UNC13C: variants seen among roughly 807,000 people sequenced by gnomAD.
The protein encoded by UNC13C is protein unc-13 homolog C.
A neutral mutation model predicts 245.4 loss-of-function variants in UNC13C; 174 were observed. That is an observed-to-expected ratio of 0.71 (90% CI 0.63 to 0.80). The LOEUF (loss-of-function observed/expected upper bound fraction) is 0.80, where lower values mean the gene tolerates loss of function less well. Ranked by LOEUF, UNC13C falls within the 30% of genes least tolerant of loss-of-function variation. UNC13C has a pLI of 0.00. For synonymous variants in UNC13C, 992 were observed against 895.1 expected (o/e 1.11, Z -1.93); for missense variants, 2,829 against 2,602.9 (o/e 1.09, Z -1.89).
chr15:54,501,384 G>T (rs991568531), intron 22 of UNC13C, among the ~76,000 whole-genome samples: 1 of 152,086 alleles, frequency 6.6e-6, no homozygotes, highest in Non-Finnish European at 1.5e-5. Context: ...ACTGATTTCT[G>T]ATTACAAATC....
intron 30 of UNC13C, among the ~76,000 whole-genome samples, chr15:54,594,167 G>A (rs1898943993): frequency 6.6e-6 from 1 of 152,168 alleles, no homozygotes; most frequent in Admixed American, 6.5e-5. Flanking sequence ...ACAGAGTCTT[G>A]TGGTGTGAAC....
chr15:53,955,853 T>C, the UNC13C span: 1 of 152,180 alleles, frequency 6.6e-6, no homozygotes, highest in African/African-American at 2.4e-5. Flanking sequence ...AAATAAATTG[T>C]TCTACCATAA....
chr15:54,302,912 T>C (rs1303659158), intron 13 of UNC13C, among the ~76,000 whole-genome samples: 10 of 152,160 alleles, frequency 6.6e-5, no homozygotes, highest in African/African-American at 2.4e-4. Flanking sequence ...CCTTAATCTC[T>C]AATCATAATT....
In UNC13C at chr15:54,264,200, G is replaced by C; in HGVS notation, c.3481G>C (p.Glu1161Gln). 6.3e-7 allele frequency: 1 copy of C among 1,588,202 alleles called. No homozygotes were observed. Among genetic ancestry groups the C allele is most frequent in the Non-Finnish European group, 8.6e-7 (1 of 1,166,508 alleles). Residue 1161 changes from glutamate (E) to glutamine (Q), a missense_variant, in exon 9 of 33, where the codon GAA (glutamate) becomes CAA (glutamine). Coordinates refer to ENST00000260323, the MANE Select transcript of UNC13C (RefSeq NM_001080534.3). ...AAEKSSKHGA[E>Q]DKTQTIITAM... Reference sequence around the variant, plus strand: ...AGAAAAGAGTTCTAAACATGGTGCCGAAGACAAGACTCAGACCATTATTAC... The same window carrying C: ...AGAAAAGAGTTCTAAACATGGTGCCCAAGACAAGACTCAGACCATTATTAC...
At position 54,172,709 on chromosome 15, in the gene UNC13C, TATATATATATATATA is replaced by T. The variant is rs1390914549; in HGVS notation, c.3071+29026_3071+29040del. Among the ~76,000 whole-genome samples, 375 of 54,236 alleles carry T rather than the reference TATATATATATATATA, an allele frequency of 6.9e-3. 9 individuals carry two copies. The highest frequency in any genetic ancestry group is 0.023 in the African/African-American group (139 of 6,050). 35.6% of individuals were successfully genotyped at this position (54,236 alleles called of 152,430 possible). On this transcript the variant is annotated intron_variant, in intron 4 of 32. Transcript: ENST00000260323. Reference sequence around the variant, plus strand: ...AAAGTCAAATACACACACAGATATATATATATATATATATATATATATATATATATATATATATAT... The same window carrying T: ...AAAGTCAAATACACACACAGATATATTATATATATATATATATATATATAT...
At chr15:54,345,010 G>A (rs1387145729) in intron 17 of UNC13C, among the ~76,000 whole-genome samples, 1 of 152,050 alleles carries the variant, frequency 6.6e-6, no homozygotes, top group Non-Finnish European at 1.5e-5. Flanking sequence ...ATGTTTTAAG[G>A]CCCTTCATTT....
chr15:54,273,809 C>G (rs1238023006), intron 10 of UNC13C, among the ~76,000 whole-genome samples: 1 of 152,088 alleles, frequency 6.6e-6, no homozygotes, highest in Non-Finnish European at 1.5e-5. Flanking sequence ...CTTGGATGTA[C>G]CCCTTGTGTA....
intron 4 of UNC13C, among the ~76,000 whole-genome samples, chr15:54,231,098 T>A (rs149828689): frequency 1.7e-3 from 256 of 152,144 alleles, no homozygotes; most frequent in African/African-American, 5.9e-3. Flanking sequence ...CAGGGGTCAT[T>A]TGAGGAATAC....
At chr15:54,537,410 A>C (rs1167473631) in intron 26 of UNC13C, among the ~76,000 whole-genome samples, 2 of 152,148 alleles carry the variant, frequency 1.3e-5, no homozygotes, top group Non-Finnish European at 2.9e-5. Flanking sequence ...TATACTACCA[A>C]AGCAACTTAC....
chr15:54,208,450 G>A (rs2034782479), intron 4 of UNC13C, among the ~76,000 whole-genome samples: 1 of 152,074 alleles, frequency 6.6e-6, no homozygotes, highest in Non-Finnish European at 1.5e-5. Flanking sequence ...TGTCAAAGTT[G>A]TTTACTCATT....
intron 2 of UNC13C, among the ~76,000 whole-genome samples, chr15:54,125,598 G>A (rs1417850002): frequency 6.6e-6 from 1 of 152,082 alleles, no homozygotes; most frequent in African/African-American, 2.4e-5. Flanking sequence ...CATCTATTGA[G>A]ATAGTCTTTG....
rs374419666 is a variant in UNC13C, at chr15:54,293,947, G to A, written c.3871G>A (p.Asp1291Asn). ...RIKVRVWDEDDDIKSRVKQHF... is the reference protein window; with the variant it reads ...RIKVRVWDEDNDIKSRVKQHF... ...CAAAGTCAGAGTATGGGATGAAGAT[G>A]ATGATATTAAATCCAGAGTCAAGCA... The change falls in exon 11 of 33, where the codon GAT (aspartate) becomes AAT (asparagine). Residue 1291 changes from aspartate to asparagine, a missense_variant. Physicochemically the swap from Asp to Asn is conservative, Grantham distance 23. Coordinates refer to ENST00000260323, the MANE Select transcript of UNC13C (RefSeq NM_001080534.3). 4 of 1,589,778 alleles carry A rather than the reference G, an allele frequency of 2.5e-6. No individual in the cohort carries two copies. Among genetic ancestry groups the A allele is most frequent in the Non-Finnish European group, 3.4e-6 (4 of 1,169,752 alleles).
chr15:54,335,585 G>A (rs541265366), intron 16 of UNC13C, among the ~76,000 whole-genome samples: 11 of 152,214 alleles, frequency 7.2e-5, no homozygotes, highest in Non-Finnish European at 1.3e-4. Context: ...GGTAACCACC[G>A]ATTTGTTCTT....
intron 19 of UNC13C, among the ~76,000 whole-genome samples, chr15:54,478,501 G>T (rs1892905402): frequency 6.6e-6 from 1 of 150,416 alleles, no homozygotes; most frequent in South Asian, 2.1e-4. Context: ...AGGGATTCTG[G>T]TATGTTGTGT....
chr15:54,048,246 A>T (rs972463252), intron 2 of UNC13C, among the ~76,000 whole-genome samples: 1 of 152,128 alleles, frequency 6.6e-6, no homozygotes, highest in African/African-American at 2.4e-5. Flanking sequence ...TGTAATTTCA[A>T]TCTCAATTTT....
intron 24 of UNC13C, among the ~76,000 whole-genome samples, chr15:54,515,909 G>T (rs547766871): frequency 3.3e-5 from 5 of 152,182 alleles, no homozygotes; most frequent in African/African-American, 4.8e-5. Context: ...AATTTCCCAT[G>T]AGAGTAACTT....
At chr15:54,105,497 C>G (rs1900396337) in intron 2 of UNC13C, among the ~76,000 whole-genome samples, 1 of 152,006 alleles carries the variant, frequency 6.6e-6, no homozygotes, top group East Asian at 1.9e-4. Flanking sequence ...TATTATTATC[C>G]TTTGTGTAAA....
intron 32 of UNC13C, 53 bp from the exon 33 acceptor site, chr15:54,626,775 T>A: frequency 6.7e-7 from 1 of 1,488,808 alleles, no homozygotes; most frequent in Non-Finnish European, 9.1e-7. Flanking sequence ...ACCATAATGA[T>A]GCCTAGTGGA....
the UNC13C span, among the ~76,000 whole-genome samples, chr15:53,938,508 C>T: frequency 8.5e-5 from 13 of 152,234 alleles, no homozygotes; most frequent in East Asian, 2.1e-3. Context: ...ATCAAGGAGA[C>T]CTGATAAATA....
Sources: allele counts gnomAD v4.1 joint callset (sites outside exome capture counted in the v4.1 genomes callset), GRCh38; gene constraint gnomAD v4.1.1; transcripts MANE v1.5; gene names NCBI Gene and HGNC (gene_info 2026-07-23, HGNC 2026-07-21).